Variants in SSUH2 observed in about 807,000 individuals in gnomAD.
SSUH2 encodes the protein protein SSUH2 homolog.
Under a neutral mutation model 55.3 loss-of-function variants are expected in SSUH2, and 47 were observed. The observed-to-expected ratio is 0.85, with a 90% CI of 0.67 to 1.08. SSUH2 has a LOEUF of 1.08. SSUH2 is among the 50% of genes least tolerant of loss of function. The probability of loss-of-function intolerance (pLI) is 0.00; values close to 1 mark genes in which losing one functional copy is unlikely to be tolerated. For missense variants in SSUH2, 535 were observed against 490.7 expected, an observed-to-expected ratio of 1.09 and a Z score of -0.85; for synonymous variants, 212 against 191.5, an observed-to-expected ratio of 1.11 and a Z score of -0.89.
chr3:8,653,310 C>T (rs190186557), intron 7 of SSUH2, among the ~76,000 whole-genome samples: 4 of 152,296 alleles, frequency 2.6e-5, no homozygotes, highest in Admixed American at 2.6e-4. Flanking sequence ...AAAGAAATAT[C>T]CTAATCCTTA....
chr3:8,672,448 T>C lies in SSUH2; in HGVS notation c.-752-413A>G, dbSNP rs1403036412. 5.3e-5 allele frequency among the ~76,000 whole-genome samples: 8 copies of C among 152,222 alleles called. No individual in the cohort carries two copies. The East Asian group carries it at 1.5e-3, about 29-fold the overall frequency. On this transcript the variant is annotated intron_variant, in intron 3 of 18. Coordinates refer to the SSUH2 transcript ENST00000317371. ...ACAATATTACACGGGTTTGTACACT[T>C]TCTGTGATATTGGGAGTAATATCAA...
chr3:8,680,547 T>C lies in SSUH2; in HGVS notation c.-1045-698A>G, dbSNP rs185043590. Among the ~76,000 whole-genome samples, 150 of 152,174 alleles carry C rather than the reference T, an allele frequency of 9.9e-4. 1 individual carries two copies. Among genetic ancestry groups the C allele is most frequent in the South Asian group, 1.7e-3 (8 of 4,812 alleles). On this transcript the variant is annotated intron_variant, in intron 1 of 18. Transcript: ENST00000317371. ...TTCTACTCCCTGCGATATCGTGTGT[T>C]ATATCCTCCTCTCCCACGCTGAAAT...
At chr3:8,670,202 C>G (rs539719257) in intron 5 of SSUH2, among the ~76,000 whole-genome samples, 2 of 152,220 alleles carry the variant, frequency 1.3e-5, no homozygotes, top group East Asian at 3.9e-4. Context: ...CAGCGGTATA[C>G]TGGGATATAT....
chr3:8,666,045 A>G (rs1703963529), intron 5 of SSUH2, among the ~76,000 whole-genome samples: 1 of 152,208 alleles, frequency 6.6e-6, no homozygotes, highest in Admixed American at 6.5e-5. Context: ...TTGAGCTCCC[A>G]AAACACCTCT....
At chr3:8,621,140 G>C (rs1200106862) in intron 11 of SSUH2, among the ~76,000 whole-genome samples, 1 of 152,188 alleles carries the variant, frequency 6.6e-6, no homozygotes, top group East Asian at 1.9e-4. Flanking sequence ...GCTTTCTTGT[G>C]GACTTCCTGT....
Position 8,635,648 on chromosome 3 carries a change from C to A in SSUH2, c.127+111G>T. On this transcript the variant is annotated intron_variant, in intron 2 of 11. Transcript: ENST00000544814. ...CCCAAGATGAGGGGCTTCCCAGGGC[C>A]CCCCCAGGGAAAGGGGAGCTATCTC... 3.8e-6 allele frequency: 4 copies of A among 1,048,376 alleles called. No individual in the cohort carries two copies. In the South Asian group the frequency reaches 5.1e-5, roughly 13 times the overall value. 64.9% of individuals were successfully genotyped at this position (1,048,376 alleles called of 1,614,324 possible).
rs773095132 is a variant in SSUH2, at chr3:8,626,273, C to T, written c.723G>A (p.Lys241=). Residue 241 remains lysine (K), a synonymous_variant, in exon 9 of 12, where the codon AAG becomes AAA. Coordinates refer to ENST00000544814, the MANE Select transcript of SSUH2 (RefSeq NM_001256748.3). ...TGAAGTGCAACAGCTTCTTCTCCCCCTTGCAGGTGGCGCAGGTCTTGTTCC... is the reference window on the plus strand; with the variant it reads ...TGAAGTGCAACAGCTTCTTCTCCCCTTTGCAGGTGGCGCAGGTCTTGTTCC... ...GRGNKTCATC[K]GEKKLLHFIQ... is the part of the protein sequence containing the mutation. 10 of 1,614,034 alleles carry T rather than the reference C, an allele frequency of 6.2e-6. No individual in the cohort carries two copies. The highest frequency in any genetic ancestry group is 8.5e-6 in the Non-Finnish European group (10 of 1,180,024).
At chr3:8,638,209 A>C (rs1700238858) in intron 1 of SSUH2, among the ~76,000 whole-genome samples, 1 of 152,102 alleles carries the variant, frequency 6.6e-6, no homozygotes. Context: ...ATCAGAATTA[A>C]AGATCAAGGT....
chr3:8,626,365 C>G, intron 8 of SSUH2, 44 bp from the exon 9 acceptor site: 3 of 1,528,980 alleles, frequency 2.0e-6, no homozygotes, highest in Non-Finnish European at 2.7e-6. Context: ...AGTTGCAGGT[C>G]CTGGTGGCTT....
rs776652254 is a variant in SSUH2 at position 8,634,663 on chromosome 3, G to A, written c.209+637C>T. Reference sequence around the variant, plus strand: ...GGTTCTTCCTAAGCATGGAAAGTGGGTGTCCATGGAGGAGAAGGGGGTTGC... The same window carrying A: ...GGTTCTTCCTAAGCATGGAAAGTGGATGTCCATGGAGGAGAAGGGGGTTGC... On this transcript the variant is annotated intron_variant, in intron 3 of 11. Transcript: ENST00000544814. The A allele has an allele frequency of 7.1e-6, 8 of 1,123,566 alleles. No homozygotes were observed. The South Asian group carries it at 9.0e-5, about 13-fold the overall frequency. 69.6% of individuals were successfully genotyped at this position (1,123,566 alleles called of 1,614,324 possible). A position where few individuals can be genotyped will look rare whatever the true frequency, so the allele number is the denominator to read the frequency against.
intron 6 of SSUH2, among the ~76,000 whole-genome samples, chr3:8,660,751 G>T (rs115120295): frequency 6.6e-6 from 1 of 152,202 alleles, no homozygotes; most frequent in Non-Finnish European, 1.5e-5. Context: ...ATGATTAGCT[G>T]CTTTTGTTTT....
intron 3 of SSUH2, among the ~76,000 whole-genome samples, chr3:8,674,923 G>A (rs1705064403): frequency 6.6e-6 from 1 of 152,148 alleles, no homozygotes; most frequent in South Asian, 2.1e-4. Flanking sequence ...GGCCCAGCCG[G>A]TTAGGCAAAA....
chr3:8,649,946 A>C (rs1302391216), intron 7 of SSUH2, among the ~76,000 whole-genome samples: 2 of 151,980 alleles, frequency 1.3e-5, no homozygotes, highest in African/African-American at 4.8e-5. Context: ...CCTCCCTACC[A>C]ATATGGCCTC....
chr3:8,636,888 T>C (rs1052564526), intron 1 of SSUH2, among the ~76,000 whole-genome samples: 1 of 152,192 alleles, frequency 6.6e-6, no homozygotes, highest in Non-Finnish European at 1.5e-5. Context: ...GGTTGTGACT[T>C]GCCCAAGATC....
At chr3:8,625,739 T>C in intron 9 of SSUH2, 92 bp from the exon 10 acceptor site, 1 of 843,088 alleles carries the variant, frequency 1.2e-6, no homozygotes, top group Non-Finnish European at 2.0e-6. Context: ...GTTGAGGGCT[T>C]GAATTGCTAC....
chr3:8,645,473 C>G (rs919627131), upstream of SSUH2, among the ~76,000 whole-genome samples: 25 of 152,160 alleles, frequency 1.6e-4, no homozygotes, highest in Non-Finnish European at 3.4e-4. Context: ...GAGTTTGACA[C>G]CCCTTCAACC....
At chr3:8,643,621 C>T (rs533366059) in intron 1 of SSUH2, among the ~76,000 whole-genome samples, 2 of 152,168 alleles carry the variant, frequency 1.3e-5, no homozygotes, top group Non-Finnish European at 2.9e-5. Flanking sequence ...TATTCTGCTT[C>T]AGGTCTAAAA....
chr3:8,622,254 C>A (rs1186173329), intron 11 of SSUH2, among the ~76,000 whole-genome samples: 1 of 152,126 alleles, frequency 6.6e-6, no homozygotes, highest in Non-Finnish European at 1.5e-5. Context: ...AGAGAAGTGA[C>A]CTCCACTCCC....
At chr3:8,627,852 C>G in intron 7 of SSUH2, 69 bp from the exon 8 acceptor site, 1 of 1,444,982 alleles carries the variant, frequency 6.9e-7, no homozygotes, top group Non-Finnish European at 9.5e-7. Context: ...ATCCCAAGAC[C>G]TGGTTCAAAT....
Sources: allele counts gnomAD v4.1 joint callset (sites outside exome capture counted in the v4.1 genomes callset), GRCh38; gene constraint gnomAD v4.1.1; transcripts MANE v1.5; gene names NCBI Gene and HGNC (gene_info 2026-07-23, HGNC 2026-07-21).